The following PLCB1 variants were observed in gnomAD, a reference collection of about 807,000 sequenced individuals.
The protein encoded by PLCB1 is phospholipase C beta 1.
A neutral mutation model predicts 161.8 loss-of-function variants in PLCB1; 46 were observed. The ratio of observed to expected loss-of-function variants is 0.28; its 90% CI spans 0.22 to 0.36. The LOEUF is 0.36. PLCB1 is among the 10% of genes least tolerant of loss of function. PLCB1 has a pLI of 1.00. For missense variants in PLCB1, 1,016 were observed against 1,472.5 expected (o/e 0.69, Z 5.07); for synonymous variants, 517 against 503.7 (o/e 1.03, Z -0.35).
At chr20:8,781,083 G>C (rs1354297756) in intron 27 of PLCB1, among the ~76,000 whole-genome samples, 1 of 152,136 alleles carries the variant, frequency 6.6e-6, no homozygotes, top group East Asian at 1.9e-4. Context: ...AGCTATCTGG[G>C]AGCCACACTT....
intron 3 of PLCB1, among the ~76,000 whole-genome samples, chr20:8,599,550 A>C (rs1987465335): frequency 1.8e-5 from 1 of 54,266 alleles, no homozygotes; most frequent in African/African-American, 7.5e-5. Flanking sequence ...CTTCATTTCA[A>C]CTTTGGTGAA....
At chr20:8,525,700 A>G in intron 3 of PLCB1, among the ~76,000 whole-genome samples, 1 of 152,150 alleles carries the variant, frequency 6.6e-6, no homozygotes, top group East Asian at 1.9e-4. Flanking sequence ...AAGAAAAATC[A>G]ACTTTGTGCA....
chr20:8,425,532 C>T (rs978930865), intron 3 of PLCB1, among the ~76,000 whole-genome samples: 32 of 151,842 alleles, frequency 2.1e-4, no homozygotes, highest in Non-Finnish European at 1.0e-4. Flanking sequence ...TCAAACTGGG[C>T]CCTGGGTGTT....
chr20:8,744,624 A>ATAAAAT (rs1555787589), intron 23 of PLCB1, among the ~76,000 whole-genome samples: 5 of 144,586 alleles, frequency 3.5e-5, no homozygotes, highest in South Asian at 2.1e-4. Flanking sequence ...AATAAATAAA[A>ATAAAAT]TAAAATAAAA....
At chr20:8,244,664 ACACT>A (rs1167989715) in intron 2 of PLCB1, among the ~76,000 whole-genome samples, 1 of 151,862 alleles carries the variant, frequency 6.6e-6, no homozygotes, top group African/African-American at 2.4e-5. Flanking sequence ...ACATATGCAA[ACACT>A]CATCCCACTG....
chr20:8,160,405 A>AT (rs1600207088), intron 2 of PLCB1, among the ~76,000 whole-genome samples: 1 of 152,208 alleles, frequency 6.6e-6, no homozygotes, highest in African/African-American at 2.4e-5. Flanking sequence ...GGCCGTTTTC[A>AT]TGCCACTGAT....
intron 1 of PLCB1, among the ~76,000 whole-genome samples, chr20:8,140,332 G>A (rs2051389901): frequency 6.6e-6 from 1 of 152,174 alleles, no homozygotes; most frequent in South Asian, 2.1e-4. Flanking sequence ...AGAAATTTCT[G>A]TTTCTCGCAC....
intron 2 of PLCB1, among the ~76,000 whole-genome samples, chr20:8,257,397 G>GA (rs925637853): frequency 6.6e-6 from 1 of 151,940 alleles, no homozygotes; most frequent in African/African-American, 2.4e-5. Flanking sequence ...AATTTTATAA[G>GA]AAAAAAATCA....
At chr20:8,813,633 C>T (rs1392337735) in intron 31 of PLCB1, among the ~76,000 whole-genome samples, 1 of 152,010 alleles carries the variant, frequency 6.6e-6, no homozygotes, top group Non-Finnish European at 1.5e-5. Context: ...AAATCGAAAT[C>T]AGCCTGGGCA....
intron 12 of PLCB1, 36 bp from the exon 13 acceptor site, chr20:8,716,228 C>T (rs755616062): frequency 1.7e-5 from 26 of 1,515,568 alleles, no homozygotes; most frequent in Non-Finnish European, 1.9e-5. Flanking sequence ...GGATAAGCCT[C>T]CCTACTTTCC....
At chr20:8,355,607 A>T (rs1241942404) in intron 2 of PLCB1, among the ~76,000 whole-genome samples, 1 of 152,192 alleles carries the variant, frequency 6.6e-6, no homozygotes, top group African/African-American at 2.4e-5. Flanking sequence ...GTATTCAGGC[A>T]GCAATTTCCC....
At chr20:8,797,719 C>A (rs997505) in intron 31 of PLCB1, among the ~76,000 whole-genome samples, 8,390 of 152,288 alleles carry the variant, frequency 0.055, 544 homozygotes, top group South Asian at 0.2. Flanking sequence ...GGGAAAGCCT[C>A]AGCTCTTGAC....
chr20:8,805,846 A>G (rs1441606308), intron 31 of PLCB1, among the ~76,000 whole-genome samples: 2 of 152,334 alleles, frequency 1.3e-5, no homozygotes, highest in East Asian at 3.9e-4. Flanking sequence ...TAAACAAGCA[A>G]TAAGGGTACA....
intron 2 of PLCB1, among the ~76,000 whole-genome samples, chr20:8,193,737 C>T (rs2051994733): frequency 6.6e-6 from 1 of 151,896 alleles, no homozygotes; most frequent in Non-Finnish European, 1.5e-5. Flanking sequence ...AATTTTCTAC[C>T]CTAACATTTA....
rs190035233 is a variant in PLCB1, at chr20:8,557,109, A to G, written c.247-71185A>G. Among the ~76,000 whole-genome samples the G allele has an allele frequency of 6.4e-4, 98 of 151,948 alleles. 1 individual carries two copies. Among genetic ancestry groups the G allele is most frequent in the Non-Finnish European group, 8.8e-4 (60 of 67,882 alleles). ...TGTATGTTCCTAGTGATGATAGGAA[A>G]TGGTGCAGCCACTGTAGAAAATGGT... On this transcript the variant is annotated intron_variant, in intron 3 of 31. Coordinates refer to ENST00000338037, the MANE Select transcript of PLCB1 (RefSeq NM_015192.4).
intron 3 of PLCB1, among the ~76,000 whole-genome samples, chr20:8,531,850 G>A (rs973281452): frequency 6.8e-6 from 1 of 148,100 alleles, no homozygotes; most frequent in Non-Finnish European, 1.5e-5. Flanking sequence ...TCATCCAAAA[G>A]TTTAGGACTC....
At chr20:8,445,843 CTGTT>C (rs1332951322) in intron 3 of PLCB1, among the ~76,000 whole-genome samples, 2 of 152,012 alleles carry the variant, frequency 1.3e-5, no homozygotes, top group South Asian at 2.1e-4. Flanking sequence ...ATTTGGCTCT[CTGTT>C]TGTCTGTTAT....
At chr20:8,284,657 T>G (rs1396740973) in intron 2 of PLCB1, among the ~76,000 whole-genome samples, 1 of 152,194 alleles carries the variant, frequency 6.6e-6, no homozygotes, top group East Asian at 1.9e-4. Context: ...CTCTTGAAAT[T>G]GCCCCCCAAA....
chr20:8,228,359 C>T (rs865842076), intron 2 of PLCB1, among the ~76,000 whole-genome samples: 5 of 152,050 alleles, frequency 3.3e-5, no homozygotes, highest in Admixed American at 1.3e-4. Context: ...CTTTTTAATT[C>T]CCCTCAAAGC....
Sources: allele counts gnomAD v4.1 joint callset (sites outside exome capture counted in the v4.1 genomes callset), GRCh38; gene constraint gnomAD v4.1.1; transcripts MANE v1.5; gene names NCBI Gene and HGNC (gene_info 2026-07-23, HGNC 2026-07-21).